The following CDH12 variants were observed in gnomAD, a reference collection of about 807,000 sequenced individuals.
CDH12 encodes the protein cadherin-12.
Under a neutral mutation model 74.1 loss-of-function variants are expected in CDH12, and 41 were observed. The observed-to-expected ratio is 0.55, with a 90% CI of 0.43 to 0.72. The LOEUF is 0.72. CDH12 is among the 30% of genes least tolerant of loss of function. The pLI, the probability that CDH12 is intolerant of heterozygous loss-of-function variation, is 0.00. For missense variants in CDH12, 945 were observed against 977.2 expected (o/e 0.97, Z 0.44); for synonymous variants, 399 against 355.0 (o/e 1.12, Z -1.39).
intron 6 of CDH12, among the ~76,000 whole-genome samples, chr5:21,880,947 C>G (rs1217921185): frequency 2.0e-5 from 3 of 151,788 alleles, no homozygotes; most frequent in Non-Finnish European, 4.4e-5. Context: ...GAAACTTCAC[C>G]TGTGTTTCTA....
chr5:22,413,201 T>C (rs1003189756), intron 2 of CDH12, among the ~76,000 whole-genome samples: 1 of 151,954 alleles, frequency 6.6e-6, no homozygotes, highest in African/African-American at 2.4e-5. Flanking sequence ...ATCATCAAAA[T>C]TTAAACGATT....
intron 3 of CDH12, among the ~76,000 whole-genome samples, chr5:22,386,911 G>T (rs1742023390): frequency 6.6e-6 from 1 of 151,770 alleles, no homozygotes; most frequent in Non-Finnish European, 1.5e-5. Context: ...AAAAATTTGA[G>T]AAATGTGATT....
intron 4 of CDH12, among the ~76,000 whole-genome samples, chr5:22,175,282 G>C (rs1184738653): frequency 6.6e-6 from 1 of 151,624 alleles, no homozygotes; most frequent in Non-Finnish European, 1.5e-5. Context: ...TTAATGTACA[G>C]ACACATTTTT....
chr5:22,036,892 A>C (rs1234804840), intron 5 of CDH12, among the ~76,000 whole-genome samples: 1 of 152,220 alleles, frequency 6.6e-6, no homozygotes, highest in Non-Finnish European at 1.5e-5. Flanking sequence ...TCCTAAAATA[A>C]GATAATTTTA....
intron 5 of CDH12, among the ~76,000 whole-genome samples, chr5:22,034,455 AT>A (rs1302507237): frequency 1.3e-5 from 2 of 152,228 alleles, no homozygotes; most frequent in Admixed American, 1.3e-4. Flanking sequence ...GAAAAAACAT[AT>A]GATGCACGGT....
intron 3 of CDH12, among the ~76,000 whole-genome samples, chr5:22,225,936 A>G (rs1178999850): frequency 6.6e-6 from 1 of 152,084 alleles, no homozygotes; most frequent in African/African-American, 2.4e-5. Context: ...CAGCAACAAC[A>G]AAAACTAAAC....
chr5:22,799,771 CTACA>C (rs1420452375), intron 1 of CDH12, among the ~76,000 whole-genome samples: 1 of 151,966 alleles, frequency 6.6e-6, no homozygotes, highest in Non-Finnish European at 1.5e-5. Flanking sequence ...ACACGTATAC[CTACA>C]TATATACCTA....
At chr5:22,140,431 G>C (rs376898492) in intron 4 of CDH12, among the ~76,000 whole-genome samples, 385 of 146,012 alleles carry the variant, frequency 2.6e-3, no homozygotes, top group Non-Finnish European at 4.2e-3. Flanking sequence ...ACATTTAAAA[G>C]TGTATAAAGT....
At chr5:21,783,663 A>G (rs1236885145) in intron 10 of CDH12, among the ~76,000 whole-genome samples, 169 bp from the exon 11 acceptor site, 1 of 152,154 alleles carries the variant, frequency 6.6e-6, no homozygotes, top group Non-Finnish European at 1.5e-5. Flanking sequence ...AGTATGCTCA[A>G]GGGGAAACTG....
chr5:22,355,935 A>AT (rs1740547353), intron 3 of CDH12, among the ~76,000 whole-genome samples: 1 of 152,218 alleles, frequency 6.6e-6, no homozygotes, highest in Non-Finnish European at 1.5e-5. Flanking sequence ...TTATCCCACC[A>AT]TTTAAAAGAA....
At chr5:22,319,540 T>C (rs1010937667) in intron 3 of CDH12, among the ~76,000 whole-genome samples, 1 of 152,110 alleles carries the variant, frequency 6.6e-6, no homozygotes, top group Non-Finnish European at 1.5e-5. Flanking sequence ...CTCAGCAGCA[T>C]AGTAACTGAC....
intron 6 of CDH12, among the ~76,000 whole-genome samples, chr5:21,859,705 T>G (rs1401422845): frequency 1.3e-5 from 2 of 151,970 alleles, no homozygotes; most frequent in African/African-American, 4.8e-5. Context: ...CAACAATGAT[T>G]CCATTAAACT....
At chr5:22,135,209 C>G (rs6877887) in intron 4 of CDH12, among the ~76,000 whole-genome samples, 20,446 of 119,350 alleles carry the variant, frequency 0.17, 1,745 homozygotes, top group African/African-American at 0.27. Context: ...AACACATAAG[C>G]AAAAAAAAAA....
At chr5:22,629,999 G>A (rs1224768299) in intron 1 of CDH12, among the ~76,000 whole-genome samples, 2 of 151,780 alleles carry the variant, frequency 1.3e-5, no homozygotes, top group South Asian at 2.1e-4. Flanking sequence ...GAACACAATC[G>A]TATTTACAAT....
chr5:22,610,943 T>G (rs1022748434), intron 1 of CDH12, among the ~76,000 whole-genome samples: 6 of 152,098 alleles, frequency 3.9e-5, no homozygotes, highest in African/African-American at 1.4e-4. Context: ...TAATAACTAA[T>G]TTGCCCAACA....
chr5:21,846,979 C>T (rs1259104103), intron 7 of CDH12, among the ~76,000 whole-genome samples: 4 of 152,088 alleles, frequency 2.6e-5, no homozygotes, highest in Non-Finnish European at 4.4e-5. Context: ...CTTTATTCTC[C>T]ACCCAATGAG....
chr5:22,461,792 A>G (rs1263160101), intron 2 of CDH12, among the ~76,000 whole-genome samples: 1 of 110,164 alleles, frequency 9.1e-6, no homozygotes, highest in Non-Finnish European at 1.9e-5. Context: ...GATAATTTTC[A>G]TGTTTTTTTT....
intron 3 of CDH12, among the ~76,000 whole-genome samples, chr5:22,325,434 T>C (rs13354125): frequency 5.9e-5 from 9 of 152,148 alleles, no homozygotes; most frequent in Admixed American, 5.9e-4. Context: ...AAAAAAAGTA[T>C]GTTGTATTCC....
At chr5:22,819,988 C>CATATACATAT (rs1265734901) in intron 1 of CDH12, among the ~76,000 whole-genome samples, 1 of 142,586 alleles carries the variant, frequency 7.0e-6, no homozygotes, top group African/African-American at 2.5e-5. Context: ...CATATATATA[C>CATATACATAT]ATATACATAT....
Sources: allele counts gnomAD v4.1 joint callset (sites outside exome capture counted in the v4.1 genomes callset), GRCh38; gene constraint gnomAD v4.1.1; transcripts MANE v1.5; gene names NCBI Gene and HGNC (gene_info 2026-07-23, HGNC 2026-07-21).